The following ROBO2 variants were observed in gnomAD, a reference collection of about 807,000 sequenced individuals.
ROBO2 encodes roundabout guidance receptor 2.
ROBO2 carries 53 observed loss-of-function variants against 160.8 expected under a neutral mutation model. The ratio of observed to expected loss-of-function variants is 0.33; its 90% CI spans 0.26 to 0.41. The LOEUF (loss-of-function observed/expected upper bound fraction) is 0.41. ROBO2 is among the 10% of genes least tolerant of loss of function. The probability of loss-of-function intolerance (pLI) is 1.00; values close to 1 mark genes in which losing one functional copy is unlikely to be tolerated. For synonymous variants in ROBO2, 664 were observed against 611.7 expected (o/e 1.09, Z -1.26); for missense variants, 1,577 against 1,722.4 (o/e 0.92, Z 1.49).
At chr3:76,365,936 C>G (rs1391510176) in intron 2 of ROBO2, among the ~76,000 whole-genome samples, 1 of 151,978 alleles carries the variant, frequency 6.6e-6, no homozygotes, top group Non-Finnish European at 1.5e-5. Flanking sequence ...GGCTTATATT[C>G]CCGAGAATCA....
chr3:76,740,956 T>A (rs2093792485), intron 2 of ROBO2, among the ~76,000 whole-genome samples: 1 of 152,130 alleles, frequency 6.6e-6, no homozygotes. Flanking sequence ...TCCTTATTAT[T>A]TTAAGAAAGT....
chr3:77,519,666 TTCAA>T (rs1170351605), intron 5 of ROBO2, among the ~76,000 whole-genome samples: 1 of 151,676 alleles, frequency 6.6e-6, no homozygotes, highest in African/African-American at 2.4e-5. Flanking sequence ...ATTTTCTTTA[TTCAA>T]TCCACTGTTG....
At chr3:76,503,081 A>G (rs992516522) in intron 2 of ROBO2, among the ~76,000 whole-genome samples, 2 of 151,958 alleles carry the variant, frequency 1.3e-5, no homozygotes, top group African/African-American at 2.4e-5. Context: ...CATGATCACA[A>G]AGTCCCACAA....
At chr3:77,453,009 A>G (rs899597260) in intron 2 of ROBO2, among the ~76,000 whole-genome samples, 5 of 152,162 alleles carry the variant, frequency 3.3e-5, no homozygotes, top group African/African-American at 7.2e-5. Flanking sequence ...TTCAGCTACT[A>G]CATGGCTGAC....
At chr3:76,875,587 T>C (rs1439238893) in intron 2 of ROBO2, among the ~76,000 whole-genome samples, 2 of 152,130 alleles carry the variant, frequency 1.3e-5, no homozygotes, top group African/African-American at 2.4e-5. Flanking sequence ...GGTCACCTGC[T>C]TCCTTTGGCT....
chr3:76,932,276 TCAA>T (rs1251817768), intron 2 of ROBO2, among the ~76,000 whole-genome samples: 6 of 152,106 alleles, frequency 3.9e-5, no homozygotes, highest in African/African-American at 1.4e-4. Flanking sequence ...TTATATATGT[TCAA>T]TAATGATCTC....
At chr3:76,670,486 C>T (rs1035842264) in intron 2 of ROBO2, among the ~76,000 whole-genome samples, 4 of 152,004 alleles carry the variant, frequency 2.6e-5, no homozygotes, top group African/African-American at 9.7e-5. Flanking sequence ...TAATATACTA[C>T]ATAAAAATCA....
At position 77,069,943 on chromosome 3, in the gene ROBO2, G is replaced by A. The variant is rs533926598; in HGVS notation, c.62-28071G>A. On this transcript the variant is annotated intron_variant, in intron 1 of 25. Transcript: ENST00000461745. ...GAATGTGATCTTATTTGGAAATAAG[G>A]TCTTTACAGAGAGAGTAAAATTTTA... 2.0e-5 allele frequency among the ~76,000 whole-genome samples: 3 copies of A among 152,250 alleles called. No individual in the cohort carries two copies. In the South Asian group the frequency reaches 6.2e-4, roughly 32 times the overall value.
At chr3:77,507,980 A>T (rs980414250) in intron 5 of ROBO2, among the ~76,000 whole-genome samples, 6 of 152,048 alleles carry the variant, frequency 3.9e-5, no homozygotes, top group African/African-American at 1.4e-4. Flanking sequence ...AGAGTGTTGC[A>T]TATTAAGGAC....
chr3:76,615,338 G>C (rs1265955236), intron 2 of ROBO2, among the ~76,000 whole-genome samples: 2 of 152,100 alleles, frequency 1.3e-5, no homozygotes, highest in Non-Finnish European at 2.9e-5. Context: ...CTAACACAGT[G>C]TTCTGGTCAC....
chr3:76,958,009 T>C (rs2079400652), intron 2 of ROBO2, among the ~76,000 whole-genome samples: 1 of 152,216 alleles, frequency 6.6e-6, no homozygotes, highest in South Asian at 2.1e-4. Flanking sequence ...CGCTTTCTAC[T>C]TTCTGTCTTC....
chr3:77,475,066 A>G (rs1300686172), intron 2 of ROBO2, among the ~76,000 whole-genome samples: 2 of 133,778 alleles, frequency 1.5e-5, no homozygotes, highest in Admixed American at 8.1e-5. Flanking sequence ...ATGTTTTTCA[A>G]CTGAGAGAGA....
At chr3:77,139,640 C>T (rs529102486) in intron 2 of ROBO2, among the ~76,000 whole-genome samples, 26 of 152,306 alleles carry the variant, frequency 1.7e-4, no homozygotes, top group Non-Finnish European at 2.6e-4. Flanking sequence ...TGCATGCTCA[C>T]GGCAGAACAA....
Position 77,088,352 on chromosome 3 carries a change from G to T in ROBO2, c.62-9662G>T, listed in dbSNP as rs192337761. Among the ~76,000 whole-genome samples, 104 of 152,142 alleles carry T rather than the reference G, an allele frequency of 6.8e-4. 2 individuals carry two copies. The East Asian group carries it at 0.017, about 25-fold the overall frequency. On this transcript the variant is annotated intron_variant, in intron 1 of 25. Transcript: ENST00000461745. Reference sequence around the variant, plus strand: ...TAAAGATCTTTGCTGAATGCTGAAGGTTTTATTTTACATAATTAATTACAT... The same window carrying T: ...TAAAGATCTTTGCTGAATGCTGAAGTTTTTATTTTACATAATTAATTACAT...
chr3:77,052,811 C>T (rs983768096), intron 1 of ROBO2, among the ~76,000 whole-genome samples: 2 of 152,130 alleles, frequency 1.3e-5, no homozygotes, highest in African/African-American at 4.8e-5. Context: ...TATTTGACAA[C>T]AGCCAAATAG....
intron 2 of ROBO2, among the ~76,000 whole-genome samples, chr3:76,943,436 A>G (rs2078324666): frequency 6.6e-6 from 1 of 152,216 alleles, no homozygotes; most frequent in Non-Finnish European, 1.5e-5. Context: ...CCTGCCTTTA[A>G]TGATCTCAAA....
chr3:76,570,204 T>C (rs906438947), intron 2 of ROBO2, among the ~76,000 whole-genome samples: 1 of 152,154 alleles, frequency 6.6e-6, no homozygotes, highest in East Asian at 1.9e-4. Flanking sequence ...CTGATAGCCA[T>C]TGGATAGTTC....
chr3:76,020,967 C>T (rs1210982691), intron 2 of ROBO2, among the ~76,000 whole-genome samples: 1 of 151,720 alleles, frequency 6.6e-6, no homozygotes, highest in Admixed American at 6.6e-5. Flanking sequence ...TACCTTGCAC[C>T]CACATCCTTT....
intron 2 of ROBO2, among the ~76,000 whole-genome samples, chr3:76,306,575 C>T (rs1559739122): frequency 6.6e-6 from 1 of 152,038 alleles, no homozygotes; most frequent in Non-Finnish European, 1.5e-5. Context: ...CAAATGCTAG[C>T]AGGACAGACA....
Sources: gnomAD v4.1 joint callset for allele counts (sites outside exome capture counted in the v4.1 genomes callset) on GRCh38, gnomAD v4.1.1 for gene constraint, MANE v1.5 for transcripts, NCBI Gene and HGNC (gene_info 2026-07-23, HGNC 2026-07-21) for gene names.